CYB5R4: variants seen among roughly 807,000 people sequenced by gnomAD.
CYB5R4 encodes the protein cytochrome b5 reductase 4, also known as N-terminal cytochrome b5 and cytochrome b5 oxidoreductase domain-containing protein.
In CYB5R4, 55 loss-of-function variants were observed where a neutral mutation model predicts 70.2. The ratio of observed to expected loss-of-function variants is 0.78; its 90% CI spans 0.63 to 0.98. The LOEUF is 0.98. Among genes scored for constraint, CYB5R4 ranks in the 50% least tolerant of loss-of-function variants. The pLI is 0.00. For missense variants in CYB5R4, 562 were observed against 612.6 expected (o/e 0.92, Z 0.87); for synonymous variants, 197 against 199.5 (o/e 0.99, Z 0.11).
intron 2 of CYB5R4, among the ~76,000 whole-genome samples, chr6:83,885,329 A>G (rs780272268): frequency 2.7e-4 from 41 of 152,226 alleles, no homozygotes; most frequent in Non-Finnish European, 5.0e-4. Context: ...TGGTATTACT[A>G]TGAAGAATTT....
At chr6:83,924,866 A>G (rs2099467022) in intron 10 of CYB5R4, among the ~76,000 whole-genome samples, 1 of 152,182 alleles carries the variant, frequency 6.6e-6, no homozygotes, top group South Asian at 2.1e-4. Flanking sequence ...CTGTTGATCA[A>G]CCATTTTCTC....
At chr6:83,873,726 A>G (rs1038893586) in intron 2 of CYB5R4, among the ~76,000 whole-genome samples, 3 of 152,158 alleles carry the variant, frequency 2.0e-5, no homozygotes, top group African/African-American at 7.2e-5. Flanking sequence ...GGGTAATACA[A>G]ATTTAAAATA....
At chr6:83,889,913 C>G (rs181876971) in intron 2 of CYB5R4, among the ~76,000 whole-genome samples, 284 of 152,236 alleles carry the variant, frequency 1.9e-3, no homozygotes, top group Middle Eastern at 6.8e-3. Flanking sequence ...TTCTTCAGAA[C>G]TCTCATGAAG....
At position 83,960,894 on chromosome 6, in the gene CYB5R4, T is replaced by C. The variant is rs2099473229; in HGVS notation, c.*1016T>C. On this transcript the variant is annotated 3_prime_UTR_variant, in exon 16 of 16. Coordinates refer to ENST00000369681, the MANE Select transcript of CYB5R4 (RefSeq NM_016230.4). The stretch of plus-strand genomic sequence containing the variant: ...TTCACAGATTCAGATCAGCAAAGGG[T>C]ATCAAGGATAGTCATTGTGAGCTTT... 6.6e-6 allele frequency: 1 copy of C among 152,188 alleles called. No individual in the cohort carries two copies. Among genetic ancestry groups the C allele is most frequent in the South Asian group, 2.1e-4 (1 of 4,824 alleles). The allele number at this position is 152,188 out of a possible 1,614,324, so 9.4% of individuals were successfully genotyped here.
At chr6:83,914,901 T>C (rs1256680948) in intron 5 of CYB5R4, among the ~76,000 whole-genome samples, 2 of 151,490 alleles carry the variant, frequency 1.3e-5, no homozygotes, top group Non-Finnish European at 2.9e-5. Flanking sequence ...GAGTCTTTTG[T>C]AGGGTTTTAT....
intron 14 of CYB5R4, among the ~76,000 whole-genome samples, chr6:83,946,711 A>AC (rs2099470674): frequency 6.6e-6 from 1 of 152,238 alleles, no homozygotes; most frequent in Non-Finnish European, 1.5e-5. Context: ...CTGATAAGCA[A>AC]CTTCAGCAAA....
intron 2 of CYB5R4, among the ~76,000 whole-genome samples, chr6:83,881,922 T>C (rs1206938289): frequency 1.3e-5 from 2 of 152,212 alleles, no homozygotes; most frequent in African/African-American, 2.4e-5. Flanking sequence ...TGTCTTTCAT[T>C]AATTTATTTT....
At chr6:83,865,188 G>C (rs923112725) in intron 2 of CYB5R4, among the ~76,000 whole-genome samples, 1 of 152,284 alleles carries the variant, frequency 6.6e-6, no homozygotes, top group South Asian at 2.1e-4. Flanking sequence ...GCACATAGAG[G>C]CCATTGACTT....
At chr6:83,896,890 A>C (rs2099461991) in intron 3 of CYB5R4, among the ~76,000 whole-genome samples, 2 of 152,138 alleles carry the variant, frequency 1.3e-5, no homozygotes, top group Non-Finnish European at 2.9e-5. Flanking sequence ...ATTCCCAACA[A>C]CAGTGTGTGA....
intron 14 of CYB5R4, among the ~76,000 whole-genome samples, chr6:83,942,346 T>A (rs1044239291): frequency 3.9e-5 from 6 of 152,136 alleles, no homozygotes; most frequent in Admixed American, 3.3e-4. Flanking sequence ...TGGTGGGGTG[T>A]TGTCTCACCC....
intron 2 of CYB5R4, among the ~76,000 whole-genome samples, chr6:83,886,607 T>A (rs1286420596): frequency 6.6e-6 from 1 of 152,094 alleles, no homozygotes; most frequent in Admixed American, 6.5e-5. Flanking sequence ...GGTAGACTAG[T>A]GGTTACCTAG....
intron 11 of CYB5R4, 100 bp from the exon 12 acceptor site, chr6:83,936,124 T>A (rs912883478): frequency 3.2e-5 from 25 of 792,670 alleles, no homozygotes; most frequent in Non-Finnish European, 4.5e-5. Context: ...GTATATAGTT[T>A]TAAATATATA....
rs1036930429 is a variant in CYB5R4 at position 83,967,257 on chromosome 6, G to A, written c.*7379G>A. The stretch of plus-strand genomic sequence containing the variant: ...AAAGACTAGAAAGTCATCAATAAAA[G>A]GATTGGAGAACATTAAACTTGTAGA... On this transcript the variant is annotated 3_prime_UTR_variant, in exon 16 of 16. Transcript: ENST00000369681. 1 of 152,110 alleles carries A rather than the reference G, an allele frequency of 6.6e-6. No homozygotes were observed. The highest frequency in any genetic ancestry group is 2.4e-5 in the African/African-American group (1 of 41,428). The allele number at this position is 152,110 out of a possible 1,614,324, so 9.4% of individuals were successfully genotyped here.
chr6:83,874,363 TA>T (rs1014465008), intron 2 of CYB5R4, among the ~76,000 whole-genome samples: 5 of 149,518 alleles, frequency 3.3e-5, no homozygotes, highest in Non-Finnish European at 4.5e-5. Flanking sequence ...GCTACTTTTT[TA>T]AAAAAAAAAT....
At chr6:83,958,753 T>G (rs2099472847) in intron 15 of CYB5R4, among the ~76,000 whole-genome samples, 1 of 152,158 alleles carries the variant, frequency 6.6e-6, no homozygotes, top group Non-Finnish European at 1.5e-5. Flanking sequence ...GGTCTACCAC[T>G]TACAAGCATC....
Position 83,967,123 on chromosome 6 carries a change from A to G in CYB5R4, c.*7245A>G, listed in dbSNP as rs973005624. On this transcript the variant is annotated 3_prime_UTR_variant, in exon 16 of 16. Coordinates refer to ENST00000369681, the MANE Select transcript of CYB5R4 (RefSeq NM_016230.4). Reference sequence around the variant, plus strand: ...AGGATTTTACACCCAACAAAACTTAATGGTGAATATAAAGGCATAAACCAA... The same window carrying G: ...AGGATTTTACACCCAACAAAACTTAGTGGTGAATATAAAGGCATAAACCAA... 1.3e-5 allele frequency: 2 copies of G among 152,234 alleles called. No homozygotes were observed. The highest frequency in any genetic ancestry group is 4.8e-5 in the African/African-American group (2 of 41,462). 9.4% of individuals were successfully genotyped at this position (152,234 alleles called of 1,614,324 possible).
At chr6:83,888,076 A>T (rs1204572799) in intron 2 of CYB5R4, among the ~76,000 whole-genome samples, 1 of 152,114 alleles carries the variant, frequency 6.6e-6, no homozygotes, top group African/African-American at 2.4e-5. Flanking sequence ...GCTGGCCCAT[A>T]ATTATTATTT....
intron 2 of CYB5R4, among the ~76,000 whole-genome samples, chr6:83,873,816 A>G (rs2099458046): frequency 6.6e-6 from 1 of 152,126 alleles, no homozygotes; most frequent in Admixed American, 6.5e-5. Context: ...GGTGTTGTTA[A>G]GGAGGTGTGC....
chr6:83,869,904 A>G (rs1445035322), intron 2 of CYB5R4, among the ~76,000 whole-genome samples: 2 of 151,854 alleles, frequency 1.3e-5, no homozygotes, highest in African/African-American at 2.4e-5. Flanking sequence ...TGGTGTTTTT[A>G]CTGTTTAAAA....
Sources: allele counts gnomAD v4.1 joint callset (sites outside exome capture counted in the v4.1 genomes callset), GRCh38; gene constraint gnomAD v4.1.1; transcripts MANE v1.5; gene names NCBI Gene and HGNC (gene_info 2026-07-23, HGNC 2026-07-21).